The following DNAJC5B variants were observed in gnomAD, a reference collection of about 807,000 sequenced individuals.
The protein encoded by DNAJC5B is DnaJ heat shock protein family (Hsp40) member C5 beta.
A neutral mutation model predicts 24.7 loss-of-function variants in DNAJC5B; 23 were observed. That is an observed-to-expected ratio of 0.93 (90% CI 0.67 to 1.32). The LOEUF (loss-of-function observed/expected upper bound fraction) is 1.32, where lower values mean the gene tolerates loss of function less well. Ranked by LOEUF, DNAJC5B falls within the 40% of genes most tolerant of loss-of-function variation. DNAJC5B has a pLI of 0.00. For missense variants in DNAJC5B, 238 were observed against 240.8 expected, an observed-to-expected ratio of 0.99 and a Z score of 0.08; for synonymous variants, 101 against 90.1, an observed-to-expected ratio of 1.12 and a Z score of -0.68.
At chr8:66,050,581 G>A (rs932049666) in intron 2 of DNAJC5B, among the ~76,000 whole-genome samples, 9 of 152,162 alleles carry the variant, frequency 5.9e-5, no homozygotes, top group Admixed American at 2.6e-4. Flanking sequence ...GCTTGGGTCA[G>A]GTACTTCTTC....
At chr8:66,052,249 C>A (rs1000234930) in intron 3 of DNAJC5B, among the ~76,000 whole-genome samples, 1 of 151,052 alleles carries the variant, frequency 6.6e-6, no homozygotes, top group African/African-American at 2.5e-5. Flanking sequence ...TGAGCAACCG[C>A]GCCCTGCCAA....
intron 1 of DNAJC5B, among the ~76,000 whole-genome samples, chr8:66,031,877 T>C (rs1392938896): frequency 6.6e-6 from 1 of 152,222 alleles, no homozygotes; most frequent in Non-Finnish European, 1.5e-5. Context: ...CCCAGAATCA[T>C]GTTTGACCAA....
chr8:66,073,416 A>G (rs1318801082), intron 3 of DNAJC5B, among the ~76,000 whole-genome samples: 2 of 152,260 alleles, frequency 1.3e-5, no homozygotes, highest in East Asian at 3.9e-4. Context: ...GTCAATCTCC[A>G]AATTAATCTA....
Position 66,072,403 on chromosome 8 carries a change from A to G in DNAJC5B, c.120-4257A>G, listed in dbSNP as rs563122650. Reference sequence around the variant, plus strand: ...ATAGAAGATTTGAACAAAACAATTAACAAACAAAATCAAAAACTATAAAAA... The same window carrying G: ...ATAGAAGATTTGAACAAAACAATTAGCAAACAAAATCAAAAACTATAAAAA... On this transcript the variant is annotated intron_variant, in intron 3 of 5. Coordinates refer to ENST00000276570, the MANE Select transcript of DNAJC5B (RefSeq NM_033105.6). 2.0e-5 allele frequency among the ~76,000 whole-genome samples: 3 copies of G among 152,310 alleles called. No individual in the cohort carries two copies. In the South Asian group the frequency reaches 6.2e-4, roughly 32 times the overall value.
In DNAJC5B at chr8:66,098,671, A is replaced by G. The variant is rs187671257; in HGVS notation, c.506-1266A>G. Among the ~76,000 whole-genome samples, 97 of 151,520 alleles carry G rather than the reference A, an allele frequency of 6.4e-4. 1 individual carries two copies. The highest frequency in any genetic ancestry group is 3.1e-3 in the Admixed American group (48 of 15,240). Reference sequence around the variant, plus strand: ...TCCATCATGTCCTTTGACCTCTTTTATATTTTCTCTTTGTCTCTCTTAAAT... The same window carrying G: ...TCCATCATGTCCTTTGACCTCTTTTGTATTTTCTCTTTGTCTCTCTTAAAT... On this transcript the variant is annotated intron_variant, in intron 5 of 5. Transcript: ENST00000276570.
chr8:66,095,990 G>C (rs1335310181), intron 5 of DNAJC5B, among the ~76,000 whole-genome samples: 1 of 152,084 alleles, frequency 6.6e-6, no homozygotes, highest in Admixed American at 6.5e-5. Context: ...TATGTTCATT[G>C]TTCCATATAT....
chr8:66,065,478 C>T (rs1258706239), intron 3 of DNAJC5B, among the ~76,000 whole-genome samples: 6 of 152,150 alleles, frequency 3.9e-5, no homozygotes, highest in African/African-American at 1.4e-4. Flanking sequence ...AATGGTGCCC[C>T]GAGCTTTCTA....
chr8:66,052,562 AT>A (rs1419086258), intron 3 of DNAJC5B, among the ~76,000 whole-genome samples: 4 of 152,212 alleles, frequency 2.6e-5, no homozygotes, highest in Admixed American at 2.0e-4. Flanking sequence ...CACAAAAAAA[AT>A]CATCTTCTTC....
At chr8:66,070,198 A>G (rs1200006162) in intron 3 of DNAJC5B, among the ~76,000 whole-genome samples, 1 of 152,208 alleles carries the variant, frequency 6.6e-6, no homozygotes, top group Non-Finnish European at 1.5e-5. Flanking sequence ...TAGCAGTGGA[A>G]GTTCTGGCCA....
At chr8:66,040,736 T>G (rs1806590106) in intron 1 of DNAJC5B, among the ~76,000 whole-genome samples, 1 of 152,202 alleles carries the variant, frequency 6.6e-6, no homozygotes. Flanking sequence ...ATAGTCTGGG[T>G]GGGCCCTGGG....
At chr8:66,096,051 C>T (rs989942636) in intron 5 of DNAJC5B, among the ~76,000 whole-genome samples, 1 of 152,118 alleles carries the variant, frequency 6.6e-6, no homozygotes, top group Non-Finnish European at 1.5e-5. Context: ...CTAAGGCAGC[C>T]ATAACAAAGT....
chr8:66,031,907 C>G (rs1419937829), intron 1 of DNAJC5B, among the ~76,000 whole-genome samples: 1 of 152,182 alleles, frequency 6.6e-6, no homozygotes, highest in African/African-American at 2.4e-5. Flanking sequence ...CACTCTGCAG[C>G]CTAGTCAAGT....
chr8:66,085,588 A>G (rs555404760), intron 5 of DNAJC5B, among the ~76,000 whole-genome samples: 2 of 152,138 alleles, frequency 1.3e-5, no homozygotes, highest in South Asian at 2.1e-4. Context: ...ATATATATAT[A>G]TATATCAATT....
At chr8:66,096,561 T>C (rs1052889272) in intron 5 of DNAJC5B, among the ~76,000 whole-genome samples, 1 of 152,130 alleles carries the variant, frequency 6.6e-6, no homozygotes, top group African/African-American at 2.4e-5. Context: ...GTTATTAGTA[T>C]ATATAAGTTT....
At chr8:66,061,222 A>G (rs1344535174) in intron 3 of DNAJC5B, among the ~76,000 whole-genome samples, 1 of 152,100 alleles carries the variant, frequency 6.6e-6, no homozygotes, top group African/African-American at 2.4e-5. Flanking sequence ...TTGAGGCTGT[A>G]GTATGCTATG....
Position 66,100,063 on chromosome 8 carries a change from C to A in DNAJC5B, c.*32C>A. The A allele has an allele frequency of 6.3e-7, 1 of 1,593,178 alleles. No individual in the cohort carries two copies. ...GCCCTCAGAGAGTCCACAGTCCCTCCTCTCAGTTCAGTCTTGTCTCCAGAT... is the reference window on the plus strand; with the variant it reads ...GCCCTCAGAGAGTCCACAGTCCCTCATCTCAGTTCAGTCTTGTCTCCAGAT... On this transcript the variant is annotated 3_prime_UTR_variant, in exon 6 of 6. Transcript: ENST00000276570.
At chr8:66,091,375 A>C (rs1807843496) in intron 5 of DNAJC5B, among the ~76,000 whole-genome samples, 1 of 152,188 alleles carries the variant, frequency 6.6e-6, no homozygotes, top group Non-Finnish European at 1.5e-5. Flanking sequence ...TGACATTTAA[A>C]GCAGAAGACT....
upstream of DNAJC5B, among the ~76,000 whole-genome samples, chr8:66,021,169 G>T (rs140481223): frequency 6.6e-6 from 1 of 152,068 alleles, no homozygotes; most frequent in African/African-American, 2.4e-5. Flanking sequence ...TATCCAAATG[G>T]TCTCTTGTTG....
intron 1 of DNAJC5B, 41 bp from the exon 2 acceptor site, chr8:66,043,447 C>G (rs962766815): frequency 6.6e-6 from 1 of 152,150 alleles, no homozygotes; most frequent in African/African-American, 2.4e-5. Context: ...GCAAGCTTTA[C>G]GGTCATGCAT....
Sources: allele counts gnomAD v4.1 joint callset (sites outside exome capture counted in the v4.1 genomes callset), GRCh38; gene constraint gnomAD v4.1.1; transcripts MANE v1.5; gene names NCBI Gene and HGNC (gene_info 2026-07-23, HGNC 2026-07-21).